SPTLC1: variants seen among roughly 807,000 people sequenced by gnomAD.
The protein encoded by SPTLC1 is serine palmitoyltransferase 1.
SPTLC1 carries 55 observed loss-of-function variants against 68.9 expected under a neutral mutation model. The observed-to-expected ratio is 0.80, with a 90% CI of 0.64 to 1.00. The LOEUF (loss-of-function observed/expected upper bound fraction) is 1.00, where lower values mean the gene tolerates loss of function less well. Among genes scored for constraint, SPTLC1 ranks in the 50% least tolerant of loss-of-function variants. The pLI, the probability that SPTLC1 is intolerant of heterozygous loss-of-function variation, is 0.00. For missense variants in SPTLC1, 449 were observed against 573.1 expected (o/e 0.78, Z 2.21); for synonymous variants, 197 against 201.6 (o/e 0.98, Z 0.19).
chr9:92,104,081 A>C (rs1448245142), intron 3 of SPTLC1, among the ~76,000 whole-genome samples: 2 of 152,166 alleles, frequency 1.3e-5, no homozygotes, highest in African/African-American at 4.8e-5. Context: ...CACCAGCCCC[A>C]TAGTGATGTC....
Position 92,097,999 on chromosome 9 carries a change from T to C in SPTLC1, c.260+10741A>G, listed in dbSNP as rs76966858. On this transcript the variant is annotated intron_variant, in intron 3 of 14. Transcript: ENST00000262554. Reference sequence around the variant, plus strand: ...TGAATGTAAATAGGTATTGCATAAATTGAAGAAAAGTAACACTGAATGTAA... The same window carrying C: ...TGAATGTAAATAGGTATTGCATAAACTGAAGAAAAGTAACACTGAATGTAA... 1.3e-3 allele frequency among the ~76,000 whole-genome samples: 203 copies of C among 152,300 alleles called. 2 individuals are homozygous for C. In the East Asian group the frequency reaches 0.036, roughly 27 times the overall value.
At chr9:92,088,059 G>A (rs899423343) in intron 3 of SPTLC1, among the ~76,000 whole-genome samples, 2 of 152,250 alleles carry the variant, frequency 1.3e-5, no homozygotes, top group East Asian at 3.8e-4. Flanking sequence ...CCAGGTGAGG[G>A]ATATAATCTC....
chr9:92,102,791 A>C (rs1364832083), intron 3 of SPTLC1, among the ~76,000 whole-genome samples: 2 of 152,204 alleles, frequency 1.3e-5, no homozygotes, highest in Non-Finnish European at 2.9e-5. Context: ...AAATGACAGA[A>C]GTTAACTTCT....
chr9:92,060,165 T>C (rs112690556), intron 6 of SPTLC1, among the ~76,000 whole-genome samples: 7,615 of 152,228 alleles, frequency 0.05, 253 homozygotes, highest in Middle Eastern at 0.065. Context: ...CCTGGCAGTA[T>C]GAGGCAGCAG....
intron 5 of SPTLC1, among the ~76,000 whole-genome samples, chr9:92,071,403 C>T (rs1834485161): frequency 1.3e-5 from 2 of 152,082 alleles, no homozygotes; most frequent in Admixed American, 6.6e-5. Context: ...TCCGTCTCAA[C>T]CACAACAACA....
At chr9:92,060,935 A>G (rs1480123690) in intron 6 of SPTLC1, among the ~76,000 whole-genome samples, 4 of 151,702 alleles carry the variant, frequency 2.6e-5, no homozygotes, top group Non-Finnish European at 4.4e-5. Context: ...AACAAAGAAA[A>G]AAGAAATCAT....
At chr9:92,066,173 T>G (rs1834272370) in intron 6 of SPTLC1, among the ~76,000 whole-genome samples, 1 of 151,874 alleles carries the variant, frequency 6.6e-6, no homozygotes, top group Non-Finnish European at 1.5e-5. Flanking sequence ...TGTTACAAGC[T>G]CTACAAAAGA....
chr9:92,073,867 C>T (rs1312428333), intron 5 of SPTLC1, among the ~76,000 whole-genome samples: 1 of 152,202 alleles, frequency 6.6e-6, no homozygotes, highest in Admixed American at 6.5e-5. Flanking sequence ...CAAACCGCAG[C>T]GTTTAACTGC....
rs576033488 is a variant in SPTLC1 at position 92,077,459 on chromosome 9, T to C, written c.427+2557A>G. Among the ~76,000 whole-genome samples the C allele has an allele frequency of 5.6e-4, 85 of 152,150 alleles. 2 individuals carry two copies. In the South Asian group the frequency reaches 6.0e-3, roughly 11 times the overall value. Reference sequence around the variant, plus strand: ...ACCCCAACCACAGTCGTCTGCAGAATCCTCCCCACTGGGTTCATCGCTCCA... The same window carrying C: ...ACCCCAACCACAGTCGTCTGCAGAACCCTCCCCACTGGGTTCATCGCTCCA... On this transcript the variant is annotated intron_variant, in intron 5 of 14. Transcript: ENST00000262554.
intron 9 of SPTLC1, among the ~76,000 whole-genome samples, chr9:92,049,440 G>A (rs1256990500): frequency 6.6e-6 from 1 of 152,030 alleles, no homozygotes; most frequent in African/African-American, 2.4e-5. Flanking sequence ...TTCTGTTTGG[G>A]ACTTTAAGAG....
At chr9:92,080,815 T>G in intron 4 of SPTLC1, 55 bp downstream of exon 4, 2 of 1,418,902 alleles carry the variant, frequency 1.4e-6, no homozygotes, top group South Asian at 2.3e-5. Context: ...CTTTTATGTC[T>G]AGTTTCTTAA....
At chr9:92,052,067 A>C (rs1418335038) in intron 8 of SPTLC1, among the ~76,000 whole-genome samples, 1 of 152,206 alleles carries the variant, frequency 6.6e-6, no homozygotes, top group Admixed American at 6.5e-5. Flanking sequence ...AATCCCAACA[A>C]TACTTTTTAC....
intron 2 of SPTLC1, chr9:92,110,558 T>C (rs189293999): frequency 1.3e-5 from 2 of 152,352 alleles, no homozygotes; most frequent in Admixed American, 6.5e-5. Flanking sequence ...TAGATTATGA[T>C]AGACCATATT....
At chr9:92,033,506 G>A (rs1249900457) in intron 14 of SPTLC1, among the ~76,000 whole-genome samples, 1 of 152,168 alleles carries the variant, frequency 6.6e-6, no homozygotes, top group Non-Finnish European at 1.5e-5. Flanking sequence ...CACGGCTCCC[G>A]TCCTCATGCA....
intron 5 of SPTLC1, 124 bp downstream of exon 5, chr9:92,079,892 G>A: frequency 1.2e-6 from 1 of 835,054 alleles, no homozygotes; most frequent in Non-Finnish European, 2.1e-6. Context: ...TGGGCTCAAG[G>A]AATCCTCCCA....
At chr9:92,059,506 A>C (rs1189974489) in intron 6 of SPTLC1, among the ~76,000 whole-genome samples, 198 bp from the exon 7 acceptor site, 6 of 152,228 alleles carry the variant, frequency 3.9e-5, no homozygotes, top group Middle Eastern at 3.2e-3. Flanking sequence ...ACCATATTTA[A>C]TCTATTCCAA....
intron 1 of SPTLC1, 100 bp downstream of exon 1, chr9:92,115,214 A>G (rs1564124982): frequency 2.5e-6 from 3 of 1,198,914 alleles, no homozygotes; most frequent in Admixed American, 1.7e-5. Context: ...GGCGTGACCG[A>G]GCCAGTCCCG....
chr9:92,062,518 C>T (rs1834142780), intron 6 of SPTLC1, among the ~76,000 whole-genome samples: 1 of 152,116 alleles, frequency 6.6e-6, no homozygotes. Context: ...ATTTATAGAA[C>T]ACTCCACCAA....
At chr9:92,102,327 C>A (rs78748257) in intron 3 of SPTLC1, among the ~76,000 whole-genome samples, 6,955 of 152,280 alleles carry the variant, frequency 0.046, 241 homozygotes, top group Middle Eastern at 0.065. Flanking sequence ...AAAAACAGGA[C>A]ACTATCCACC....
Sources: gnomAD v4.1 joint callset for allele counts (sites outside exome capture counted in the v4.1 genomes callset) on GRCh38, gnomAD v4.1.1 for gene constraint, MANE v1.5 for transcripts, NCBI Gene and HGNC (gene_info 2026-07-23, HGNC 2026-07-21) for gene names.